Variants in ZNF544 observed in about 807,000 individuals in gnomAD.
ZNF544 encodes the protein zinc finger protein 544.
A neutral mutation model predicts 13.5 loss-of-function variants in ZNF544; 10 were observed. The ratio of observed to expected loss-of-function variants is 0.74; its 90% CI spans 0.46 to 1.25. The LOEUF (loss-of-function observed/expected upper bound fraction) is 1.25. Among genes scored for constraint, ZNF544 ranks in the 50% most tolerant of loss-of-function variants. The pLI is 0.00. For missense variants in ZNF544, 896 were observed against 845.6 expected, an observed-to-expected ratio of 1.06 and a Z score of -0.74; for synonymous variants, 323 against 300.5, an observed-to-expected ratio of 1.07 and a Z score of -0.77.
rs2049041026 is a variant in ZNF544 at position 58,261,911 on chromosome 19, G to GT, written c.1306dup (p.Tyr436LeufsTer5). The stretch of plus-strand genomic sequence containing the variant: ...AGCGAATTCACACTGGAGAAAAACC[G>GT]TATCAGTGTATTGAATGCAGAAAAT... On this transcript the variant is annotated frameshift_variant, in exon 7 of 7. Coordinates refer to ENST00000687789, the MANE Select transcript of ZNF544 (RefSeq NM_014480.4). LOFTEE classifies it low-confidence loss of function (END_TRUNC). The GT allele has an allele frequency of 1.2e-6, 2 of 1,613,220 alleles. No homozygotes were observed. Among genetic ancestry groups the GT allele is most frequent in the Non-Finnish European group, 1.7e-6 (2 of 1,179,852 alleles).
chr19:58,266,672 C>G (rs572477135), downstream of ZNF544: 1 of 151,996 alleles, frequency 6.6e-6, no homozygotes, highest in Non-Finnish European at 1.5e-5. Context: ...GTGGGTTAAT[C>G]GAAGGTCTGT....
intron 3 of ZNF544, among the ~76,000 whole-genome samples, chr19:58,238,517 G>A (rs2042899691): frequency 6.6e-6 from 1 of 152,146 alleles, no homozygotes; most frequent in African/African-American, 2.4e-5. Context: ...CTGAATGTGA[G>A]GAGAGCACGC....
chr19:58,273,494 G>A (rs147918368), intron 5 of ZNF544, among the ~76,000 whole-genome samples: 2 of 151,768 alleles, frequency 1.3e-5, no homozygotes, highest in African/African-American at 2.4e-5. Context: ...ATAGAGACCC[G>A]CCTGGCCAAC....
chr19:58,246,461 C>A (rs373223016), intron 5 of ZNF544, 34 bp downstream of exon 5: 10 of 1,611,750 alleles, frequency 6.2e-6, no homozygotes, highest in Non-Finnish European at 7.6e-6. Context: ...GAGGTTCTAC[C>A]CCTAGGACTC....
chr19:58,243,020 G>GT (rs1449346067), intron 3 of ZNF544, among the ~76,000 whole-genome samples: 62 of 151,764 alleles, frequency 4.1e-4, no homozygotes, highest in African/African-American at 1.4e-3. Flanking sequence ...AGAGAGGGGG[G>GT]TCTCACTTTG....
chr19:58,263,992 G>A (rs1209677179), downstream of ZNF544: 1 of 152,252 alleles, frequency 6.6e-6, no homozygotes, highest in Non-Finnish European at 1.5e-5. Context: ...CTACTCAGGA[G>A]GCTGAGGCAG....
chr19:58,245,260 G>A (rs1029142036), intron 4 of ZNF544, among the ~76,000 whole-genome samples: 23 of 148,620 alleles, frequency 1.5e-4, no homozygotes, highest in Non-Finnish European at 3.0e-4. Context: ...TTCTTGAACA[G>A]TTCTTAAACA....
chr19:58,274,089 C>T (rs1003100779), intron 5 of ZNF544, among the ~76,000 whole-genome samples: 50 of 151,904 alleles, frequency 3.3e-4, no homozygotes, highest in Admixed American at 2.5e-3. Context: ...CCACCGTGCC[C>T]GGCTCCTAAA....
intron 3 of ZNF544, among the ~76,000 whole-genome samples, chr19:58,234,031 C>T (rs1334508779): frequency 1.3e-5 from 2 of 152,216 alleles, no homozygotes; most frequent in Non-Finnish European, 2.9e-5. Flanking sequence ...CTGCCCACTT[C>T]TCTCCATTTT....
chr19:58,261,123 C>T lies in ZNF544; in HGVS notation c.517C>T (p.Leu173Phe). 6.2e-7 allele frequency: 1 copy of T among 1,614,110 alleles called. No homozygotes were observed. The highest frequency in any genetic ancestry group is 1.7e-5 in the Admixed American group (1 of 60,002). ...TTATTCTCTACCTTCTACTTTAAGC[C>T]TTCTACCTACAACATTACCTACAAG... ...GGYSLPSTLS[L>F]LPTTLPTSTG... The change falls in exon 7 of 7, where the codon CTT becomes TTT. Residue 173 changes from leucine to phenylalanine, a missense_variant. Leu to Phe is a conservative substitution (Grantham distance 22). Transcript: ENST00000687789.
intron 5 of ZNF544, among the ~76,000 whole-genome samples, chr19:58,275,184 C>A (rs2051122122): frequency 6.6e-6 from 1 of 152,086 alleles, no homozygotes; most frequent in Non-Finnish European, 1.5e-5. Flanking sequence ...GACTCAGGAG[C>A]CAGGAGCCCC....
At position 58,262,102 on chromosome 19, in the gene ZNF544, A is replaced by C. The variant is rs940255663; in HGVS notation, c.1496A>C (p.Lys499Thr). The part of the protein sequence containing the change: ...EKPFKCTQCG[K>T]SFSQKYDLVV... ...CCCTTCAAATGTACTCAGTGTGGGA[A>C]ATCTTTCAGCCAGAAGTATGACCTT... Residue 499 changes from lysine to threonine, a missense_variant, in exon 7 of 7, where the codon AAA becomes ACA. Lys to Thr is a moderately conservative substitution (Grantham distance 78). Transcript: ENST00000687789. The C allele has an allele frequency of 1.2e-6, 2 of 1,611,796 alleles. No individual in the cohort carries two copies. The highest frequency in any genetic ancestry group is 2.7e-5 in the African/African-American group (2 of 74,008).
chr19:58,245,078 G>C (rs1208458802), intron 4 of ZNF544, among the ~76,000 whole-genome samples: 1 of 151,818 alleles, frequency 6.6e-6, no homozygotes, highest in Non-Finnish European at 1.5e-5. Context: ...CTCCCAAGTA[G>C]CTGGGATTAC....
downstream of ZNF544, among the ~76,000 whole-genome samples, chr19:58,267,925 G>A (rs1460726041): frequency 6.6e-6 from 1 of 151,798 alleles, no homozygotes; most frequent in Non-Finnish European, 1.5e-5. Context: ...AGCTTGCAGT[G>A]AGCCGAGATC....
Position 58,262,350 on chromosome 19 carries a change from G to A in ZNF544, c.1744G>A (p.Gly582Arg), listed in dbSNP as rs1438841106. 2 of 1,613,984 alleles carry A rather than the reference G, an allele frequency of 1.2e-6. No homozygotes were observed. Among genetic ancestry groups the A allele is most frequent in the South Asian group, 2.2e-5 (2 of 91,074 alleles). ...GAAACCGTACGATTGCACTCACTGT[G>A]GAAAGTCCTTCAGCCAAAGCTATCA... is the stretch of plus-strand genomic sequence containing the variant. Reference protein sequence around the residue: ...GEKPYDCTHCGKSFSQSYQLV... With the variant: ...GEKPYDCTHCRKSFSQSYQLV... Residue 582 changes from glycine (G) to arginine (R), a missense_variant, in exon 7 of 7, where the codon GGA becomes AGA. Physicochemically the swap from Gly to Arg is moderately radical, Grantham distance 125 (BLOSUM62 -2). Coordinates refer to ENST00000687789, the MANE Select transcript of ZNF544 (RefSeq NM_014480.4).
At position 58,261,639 on chromosome 19, in the gene ZNF544, A is replaced by G; in HGVS notation, c.1033A>G (p.Asn345Asp). 6.2e-7 allele frequency: 1 copy of G among 1,614,238 alleles called. No individual in the cohort carries two copies. The highest frequency in any genetic ancestry group is 8.5e-7 in the Non-Finnish European group (1 of 1,180,040). The change falls in exon 7 of 7, where the codon AAC becomes GAC. Residue 345 changes from asparagine to aspartate, a missense_variant. By Grantham distance (23) the Asn-to-Asp change is conservative. Transcript: ENST00000687789. ...CATGGCCTCATCTTTTTCTGACTGT[A>G]ACATCATTCAGACTACAGAGAAGCC... ...FPMASSFSDC[N>D]IIQTTEKPSV...
chr19:58,277,134 T>C (rs923527955), intron 6 of ZNF544: 1 of 1,211,002 alleles, frequency 8.3e-7, no homozygotes, highest in Non-Finnish European at 1.0e-6. Flanking sequence ...TCCAAAACCA[T>C]GTCCTCTCAT....
At chr19:58,234,217 T>C (rs1222932114) in intron 3 of ZNF544, among the ~76,000 whole-genome samples, 1 of 152,220 alleles carries the variant, frequency 6.6e-6, no homozygotes, top group African/African-American at 2.4e-5. Context: ...GGCCCTTGCC[T>C]TTCTCTATGC....
chr19:58,273,664 T>TG (rs1274107353), intron 5 of ZNF544, among the ~76,000 whole-genome samples: 1 of 138,184 alleles, frequency 7.2e-6, no homozygotes, highest in Non-Finnish European at 1.5e-5. Flanking sequence ...CACTCCAGCC[T>TG]GGGCGACAGA....
Sources: allele counts gnomAD v4.1 joint callset (sites outside exome capture counted in the v4.1 genomes callset), GRCh38; gene constraint gnomAD v4.1.1; transcripts MANE v1.5; gene names NCBI Gene and HGNC (gene_info 2026-07-23, HGNC 2026-07-21).